Variants in CDK17 observed in about 807,000 individuals in gnomAD.
CDK17 encodes the protein cyclin dependent kinase 17.
In CDK17, 24 loss-of-function variants were observed where a neutral mutation model predicts 77.6. The ratio of observed to expected loss-of-function variants is 0.31; its 90% CI spans 0.22 to 0.44. The LOEUF is 0.44. Among genes scored for constraint, CDK17 ranks in the 20% least tolerant of loss-of-function variants. The probability of loss-of-function intolerance (pLI) is 1.00; values close to 1 mark genes in which losing one functional copy is unlikely to be tolerated. For missense variants in CDK17, 429 were observed against 622.5 expected (o/e 0.69, Z 3.31); for synonymous variants, 203 against 210.4 (o/e 0.96, Z 0.30).
At chr12:96,300,974 A>G (rs1320863001) in intron 5 of CDK17, among the ~76,000 whole-genome samples, 2 of 152,192 alleles carry the variant, frequency 1.3e-5, no homozygotes, top group East Asian at 1.9e-4. Context: ...TTAAGATACT[A>G]AAGAATCTTA....
At chr12:96,332,896 C>CA (rs1301830050) in intron 2 of CDK17, among the ~76,000 whole-genome samples, 1 of 152,056 alleles carries the variant, frequency 6.6e-6, no homozygotes, top group East Asian at 1.9e-4. Context: ...ATAGTTAATA[C>CA]CAAAATATTC....
intron 3 of CDK17, among the ~76,000 whole-genome samples, chr12:96,315,138 T>G (rs574806775): frequency 6.6e-6 from 1 of 152,338 alleles, no homozygotes; most frequent in Non-Finnish European, 1.5e-5. Flanking sequence ...TCAAATAAAG[T>G]TATATAAAAT....
intron 1 of CDK17, among the ~76,000 whole-genome samples, chr12:96,372,427 T>A (rs1052088682): frequency 6.6e-6 from 1 of 152,150 alleles, no homozygotes; most frequent in Non-Finnish European, 1.5e-5. Flanking sequence ...TTTTTGTGAT[T>A]TGGTGAGGGG....
chr12:96,359,214 A>G (rs1249798845), intron 1 of CDK17, among the ~76,000 whole-genome samples: 3 of 152,168 alleles, frequency 2.0e-5, no homozygotes, highest in Non-Finnish European at 2.9e-5. Context: ...GATTATTATA[A>G]CCACTAAGGA....
chr12:96,334,510 A>C (rs1187031931), intron 2 of CDK17, among the ~76,000 whole-genome samples: 2 of 152,232 alleles, frequency 1.3e-5, no homozygotes, highest in Non-Finnish European at 2.9e-5. Flanking sequence ...AGGGTTTGAG[A>C]CCAGGTATCG....
chr12:96,377,593 C>T (rs117159644), intron 1 of CDK17, among the ~76,000 whole-genome samples: 2,438 of 151,892 alleles, frequency 0.016, 29 homozygotes, highest in Non-Finnish European at 0.024. Flanking sequence ...ACAACACATT[C>T]AGTTGCTGAG....
chr12:96,302,682 C>T (rs1200621397), intron 5 of CDK17, among the ~76,000 whole-genome samples: 2 of 152,052 alleles, frequency 1.3e-5, no homozygotes, highest in Non-Finnish European at 2.9e-5. Context: ...CTTATTAATC[C>T]TTTTATCTTA....
rs187986757 is a variant in CDK17 at position 96,390,123 on chromosome 12, C to T, written c.-30+9863G>A. ...GATTACAAGTGTGAGACAGCGCGCC[C>T]GGCTGAAAAGAGGTATAATTTAAAA... is the stretch of plus-strand genomic sequence containing the variant. On this transcript the variant is annotated intron_variant, in intron 1 of 16. Coordinates refer to ENST00000261211, the MANE Select transcript of CDK17 (RefSeq NM_002595.5). Among the ~76,000 whole-genome samples the T allele has an allele frequency of 7.4e-4, 111 of 149,540 alleles. 2 individuals carry two copies. In the East Asian group the frequency reaches 8.6e-3, roughly 12 times the overall value.
chr12:96,295,102 T>A lies in CDK17; in HGVS notation c.894A>T (p.Leu298=), dbSNP rs142155102. 6.2e-7 allele frequency: 1 copy of A among 1,607,592 alleles called. No homozygotes were observed. Among genetic ancestry groups the A allele is most frequent in the Admixed American group, 1.7e-5 (1 of 58,516 alleles). ...HNVKLFLYQI[L]RGLAYCHRRK... ...TTCTATGGCAATATGCCAAACCACG[T>A]AGAATTTGGTACAGAAACAGCTACA... Residue 298 remains leucine (L), a synonymous_variant, in exon 10 of 17, where the codon CTA becomes CTT. Coordinates refer to ENST00000261211, the MANE Select transcript of CDK17 (RefSeq NM_002595.5).
intron 4 of CDK17, among the ~76,000 whole-genome samples, chr12:96,311,730 G>A (rs2887150): frequency 0.08 from 12,126 of 151,202 alleles, 673 homozygotes; most frequent in South Asian, 0.18. Context: ...ACCATGAAAC[G>A]GAATGGAGAG....
At chr12:96,392,366 G>A (rs753841599) in intron 1 of CDK17, among the ~76,000 whole-genome samples, 4 of 151,966 alleles carry the variant, frequency 2.6e-5, no homozygotes, top group Non-Finnish European at 5.9e-5. Context: ...ATGAATGGAC[G>A]GCAGTACGGA....
At chr12:96,322,633 GA>G (rs1441311075) in intron 3 of CDK17, among the ~76,000 whole-genome samples, 1 of 151,612 alleles carries the variant, frequency 6.6e-6, no homozygotes, top group Non-Finnish European at 1.5e-5. Context: ...TGGTTGGGAA[GA>G]AATGTGCAGT....
intron 3 of CDK17, among the ~76,000 whole-genome samples, chr12:96,322,239 T>C (rs951893593): frequency 1.8e-4 from 28 of 152,184 alleles, no homozygotes; most frequent in Non-Finnish European, 3.2e-4. Context: ...GATCAGGTAA[T>C]GTAACAGCGG....
rs548975709 is a variant in CDK17 at position 96,381,079 on chromosome 12, T to A, written c.-30+18907A>T. On this transcript the variant is annotated intron_variant, in intron 1 of 16. Transcript: ENST00000261211. ...TTAATCCTAAATTCATCTTTAACCA[T>A]AAGTTCATCTTTGGTAATAACACAA... 9.8e-5 allele frequency among the ~76,000 whole-genome samples: 15 copies of A among 152,322 alleles called. No homozygotes were observed. The South Asian group carries it at 3.1e-3, about 32-fold the overall frequency.
At chr12:96,299,503 G>A (rs1299417824) in intron 6 of CDK17, among the ~76,000 whole-genome samples, 1 of 149,450 alleles carries the variant, frequency 6.7e-6, no homozygotes, top group African/African-American at 2.5e-5. Context: ...CGATTCTCCT[G>A]ACTCAGCCTC....
intron 1 of CDK17, among the ~76,000 whole-genome samples, chr12:96,397,974 C>CT (rs1364597150): frequency 6.6e-6 from 1 of 152,188 alleles, no homozygotes; most frequent in East Asian, 1.9e-4. Flanking sequence ...CAAGCTATGA[C>CT]TGTTCGTACA....
intron 1 of CDK17, among the ~76,000 whole-genome samples, chr12:96,351,285 T>C (rs1341245992): frequency 6.7e-6 from 1 of 148,920 alleles, no homozygotes; most frequent in Non-Finnish European, 1.5e-5. Flanking sequence ...AGAATAATCA[T>C]ATGACCCAGC....
chr12:96,282,664 G>T, intron 14 of CDK17, 65 bp from the exon 15 acceptor site: 3 of 980,588 alleles, frequency 3.1e-6, no homozygotes, highest in South Asian at 2.8e-5. Context: ...GTAGGAGATG[G>T]GCAAATTAGC....
chr12:96,381,385 G>T (rs1279487615), intron 1 of CDK17, among the ~76,000 whole-genome samples: 4 of 148,388 alleles, frequency 2.7e-5, no homozygotes, highest in Non-Finnish European at 5.9e-5. Flanking sequence ...AAAAAAAGAT[G>T]CTCTTTACAG....
Sources: gnomAD v4.1 joint callset for allele counts (sites outside exome capture counted in the v4.1 genomes callset) on GRCh38, gnomAD v4.1.1 for gene constraint, MANE v1.5 for transcripts, NCBI Gene and HGNC (gene_info 2026-07-23, HGNC 2026-07-21) for gene names.